The following CARMIL1 variants were observed in gnomAD, a reference collection of about 807,000 sequenced individuals.
CARMIL1 encodes the protein F-actin-uncapping protein LRRC16A.
CARMIL1 carries 90 observed loss-of-function variants against 177.1 expected under a neutral mutation model. The ratio of observed to expected loss-of-function variants is 0.51; its 90% CI spans 0.43 to 0.61. The LOEUF (loss-of-function observed/expected upper bound fraction) is 0.61, where lower values mean the gene tolerates loss of function less well. Among genes scored for constraint, CARMIL1 ranks in the 20% least tolerant of loss-of-function variants. CARMIL1 has a pLI of 0.00. For synonymous variants in CARMIL1, 577 were observed against 606.2 expected (o/e 0.95, Z 0.71); for missense variants, 1,380 against 1,667.0 (o/e 0.83, Z 3.00).
intron 27 of CARMIL1, among the ~76,000 whole-genome samples, chr6:25,552,813 C>T (rs1810240094): frequency 6.6e-6 from 1 of 152,088 alleles, no homozygotes; most frequent in Admixed American, 6.6e-5. Context: ...AGTATAATTT[C>T]TAAACATGCC....
At chr6:25,453,759 C>T (rs1323007055) in intron 8 of CARMIL1, among the ~76,000 whole-genome samples, 4 of 152,096 alleles carry the variant, frequency 2.6e-5, no homozygotes, top group African/African-American at 4.8e-5. Context: ...GTTATGAAAA[C>T]GATTTTGAAC....
chr6:25,332,843 G>A (rs5009712), intron 2 of CARMIL1, among the ~76,000 whole-genome samples: 20,424 of 151,426 alleles, frequency 0.13, 1,418 homozygotes, highest in Middle Eastern at 0.2. Flanking sequence ...TTCTACTATG[G>A]TTTCAGCTTC....
intron 35 of CARMIL1, among the ~76,000 whole-genome samples, chr6:25,607,422 G>A (rs539299401): frequency 2.0e-5 from 3 of 152,268 alleles, no homozygotes; most frequent in African/African-American, 7.2e-5. Context: ...ACTATAGTAA[G>A]TGCTTTTTGA....
At chr6:25,604,671 G>A (rs1815768249) in intron 33 of CARMIL1, 141 bp from the exon 34 acceptor site, 2 of 659,470 alleles carry the variant, frequency 3.0e-6, no homozygotes, top group East Asian at 5.4e-5. Flanking sequence ...AGAGCCTATG[G>A]AGACAGGTCA....
chr6:25,472,387 A>G, intron 10 of CARMIL1, 40 bp from the exon 11 acceptor site: 1 of 1,351,772 alleles, frequency 7.4e-7, no homozygotes, highest in Non-Finnish European at 1.0e-6. Context: ...GAATGGTTTT[A>G]CATTTTGTTA....
intron 33 of CARMIL1, 22 bp downstream of exon 33, chr6:25,600,768 A>T (rs1424331764): frequency 6.9e-7 from 1 of 1,452,934 alleles, no homozygotes; most frequent in Non-Finnish European, 9.1e-7. Context: ...CCTATTTTTA[A>T]TTCATTCATT....
chr6:25,358,331 G>A (rs1418815023), intron 2 of CARMIL1, among the ~76,000 whole-genome samples: 8 of 152,196 alleles, frequency 5.3e-5, no homozygotes, highest in Non-Finnish European at 1.0e-4. Flanking sequence ...TAGAAAAGAA[G>A]TGGGAATATA....
intron 26 of CARMIL1, among the ~76,000 whole-genome samples, chr6:25,547,697 C>T (rs1809650111): frequency 6.6e-6 from 1 of 152,138 alleles, no homozygotes; most frequent in Admixed American, 6.5e-5. Context: ...ATGGCTCTAG[C>T]TCTCTGTGAA....
At chr6:25,550,208 T>C (rs1809944726) in intron 26 of CARMIL1, among the ~76,000 whole-genome samples, 4 of 152,194 alleles carry the variant, frequency 2.6e-5, no homozygotes, top group African/African-American at 9.7e-5. Context: ...TCTTCACAGA[T>C]GTTGGAAGGA....
At chr6:25,438,679 G>T (rs1433214446) in intron 5 of CARMIL1, among the ~76,000 whole-genome samples, 3 of 152,194 alleles carry the variant, frequency 2.0e-5, no homozygotes, top group Admixed American at 6.5e-5. Flanking sequence ...GAAGAACAAA[G>T]ATGGGAAGGG....
intron 4 of CARMIL1, among the ~76,000 whole-genome samples, chr6:25,431,688 T>C (rs1353865539): frequency 6.6e-6 from 1 of 152,156 alleles, no homozygotes; most frequent in Non-Finnish European, 1.5e-5. Flanking sequence ...AGAAAGAGTG[T>C]TGATGCAGCA....
chr6:25,362,162 T>C lies in CARMIL1; in HGVS notation c.139-57952T>C, dbSNP rs112656544. Among the ~76,000 whole-genome samples, 514 of 152,326 alleles carry C rather than the reference T, an allele frequency of 3.4e-3. 5 individuals carry two copies. Among genetic ancestry groups the C allele is most frequent in the African/African-American group, 0.012 (484 of 41,566 alleles). The stretch of plus-strand genomic sequence containing the variant: ...AGCAGCTCCCCCTCAGGCCAGATAT[T>C]ACTGGCATAAGTGGAAAACCTAGGC... On this transcript the variant is annotated intron_variant, in intron 2 of 36. Transcript: ENST00000329474.
chr6:25,424,117 C>G (rs1796094434), intron 3 of CARMIL1, among the ~76,000 whole-genome samples: 1 of 152,188 alleles, frequency 6.6e-6, no homozygotes, highest in African/African-American at 2.4e-5. Context: ...GGGACTTCAA[C>G]TAATCACAGA....
At chr6:25,306,325 C>A (rs1481542781) in intron 2 of CARMIL1, among the ~76,000 whole-genome samples, 1 of 152,104 alleles carries the variant, frequency 6.6e-6, no homozygotes, top group Non-Finnish European at 1.5e-5. Flanking sequence ...GTGAGCATTA[C>A]CGCCTGAGTT....
intron 2 of CARMIL1, among the ~76,000 whole-genome samples, chr6:25,390,314 A>ATTT (rs1296124307): frequency 1.8e-4 from 7 of 39,516 alleles, no homozygotes; most frequent in Non-Finnish European, 3.0e-4. Flanking sequence ...ATATATATAT[A>ATTT]TATATATTTT....
intron 2 of CARMIL1, among the ~76,000 whole-genome samples, chr6:25,316,084 A>C (rs2744299): frequency 0.52 from 78,363 of 152,076 alleles, 20,282 homozygotes; most frequent in Middle Eastern, 0.57. Context: ...GTTGGTGCTG[A>C]TAAGGTTTGT....
chr6:25,530,283 C>T (rs111874187), intron 24 of CARMIL1, among the ~76,000 whole-genome samples: 2 of 151,794 alleles, frequency 1.3e-5, no homozygotes, highest in Non-Finnish European at 1.5e-5. Flanking sequence ...CTTGGGAGGT[C>T]GAGACAGGTG....
chr6:25,435,813 T>C (rs571738438), intron 5 of CARMIL1, among the ~76,000 whole-genome samples: 2 of 152,356 alleles, frequency 1.3e-5, no homozygotes, highest in South Asian at 4.1e-4. Flanking sequence ...TTTAAAGAGC[T>C]TGAGTGATGA....
chr6:25,514,917 G>C (rs1054501649), intron 20 of CARMIL1, among the ~76,000 whole-genome samples: 1 of 145,312 alleles, frequency 6.9e-6, no homozygotes, highest in Non-Finnish European at 1.5e-5. Flanking sequence ...TGCACAGAGC[G>C]AGACCCTGTC....
Sources: gnomAD v4.1 joint callset for allele counts (sites outside exome capture counted in the v4.1 genomes callset) on GRCh38, gnomAD v4.1.1 for gene constraint, MANE v1.5 for transcripts, NCBI Gene and HGNC (gene_info 2026-07-23, HGNC 2026-07-21) for gene names.